LRRC8D: variants seen among roughly 807,000 people sequenced by gnomAD.
LRRC8D encodes the protein leucine rich repeat containing 8 VRAC subunit D, also known as volume-regulated anion channel subunit LRRC8D.
A neutral mutation model predicts 55.8 loss-of-function variants in LRRC8D; 20 were observed. The observed-to-expected ratio is 0.36, with a 90% CI of 0.25 to 0.52. The LOEUF (loss-of-function observed/expected upper bound fraction) is 0.52. Ranked by LOEUF, LRRC8D falls within the 20% of genes least tolerant of loss-of-function variation. The probability of loss-of-function intolerance (pLI) is 0.93; values close to 1 mark genes in which losing one functional copy is unlikely to be tolerated. For missense variants in LRRC8D, 651 were observed against 1,030.8 expected, an observed-to-expected ratio of 0.63 and a Z score of 5.05; for synonymous variants, 352 against 377.0, an observed-to-expected ratio of 0.93 and a Z score of 0.77.
In LRRC8D at chr1:89,921,542, G is replaced by GTT. The variant is rs533434944; in HGVS notation, c.-2-11522_-2-11521dup. On this transcript the variant is annotated intron_variant, in intron 2 of 2. Coordinates refer to ENST00000337338, the MANE Select transcript of LRRC8D (RefSeq NM_001134479.2). ...TTTTTTTGTTTGTTTGTTTTGTTTT[G>GTT]TTTTGTTTTGTTTTTTGAGAGAGAG... is the stretch of plus-strand genomic sequence containing the variant. Among the ~76,000 whole-genome samples, 9 of 151,856 alleles carry GTT rather than the reference G, an allele frequency of 5.9e-5. No individual in the cohort carries two copies. In the East Asian group the frequency reaches 1.7e-3, roughly 29 times the overall value.
At position 89,934,755 on chromosome 1, in the gene LRRC8D, C is replaced by G; in HGVS notation, c.1687C>G (p.Arg563Gly). Residue 563 changes from arginine to glycine, a missense_variant, in exon 3 of 3, where the codon CGA (arginine) becomes GGA (glycine). By Grantham distance (125) the Arg-to-Gly change is moderately radical. Coordinates refer to ENST00000337338, the MANE Select transcript of LRRC8D (RefSeq NM_001134479.2). The surrounding 1 kb of genome is among the most constrained non-coding windows in gnomAD (Gnocchi z 5.9). The part of the protein sequence containing the change: ...PAWVYLLKNL[R>G]ELYLIGNLNS... ...CTGGGTGTATTTGCTCAAAAACCTT[C>G]GAGAGTTGTACTTAATAGGCAATTT... is the stretch of plus-strand genomic sequence containing the variant. 6.2e-7 allele frequency: 1 copy of G among 1,614,066 alleles called. No homozygotes were observed. Among genetic ancestry groups the G allele is most frequent in the Non-Finnish European group, 8.5e-7 (1 of 1,180,040 alleles).
chr1:89,827,457 T>G (rs1035341427), intron 1 of LRRC8D, among the ~76,000 whole-genome samples: 1 of 151,966 alleles, frequency 6.6e-6, no homozygotes, highest in Non-Finnish European at 1.5e-5. Flanking sequence ...AGAAAGACAC[T>G]AGAGCTGGAA....
At chr1:89,896,197 C>G (rs568360503) in intron 2 of LRRC8D, among the ~76,000 whole-genome samples, 1 of 152,026 alleles carries the variant, frequency 6.6e-6, no homozygotes, top group East Asian at 1.9e-4. Context: ...AGAGGATCAG[C>G]CTTGAAGACT....
intron 2 of LRRC8D, among the ~76,000 whole-genome samples, chr1:89,914,159 A>G (rs911703378): frequency 6.6e-6 from 1 of 152,204 alleles, no homozygotes; most frequent in Non-Finnish European, 1.5e-5. Context: ...ATGGACTGCA[A>G]CTGTAAAATA....
intron 2 of LRRC8D, among the ~76,000 whole-genome samples, chr1:89,890,771 A>G (rs1662556852): frequency 6.6e-6 from 1 of 152,202 alleles, no homozygotes; most frequent in Admixed American, 6.5e-5. Flanking sequence ...ACCTTATGCA[A>G]GTTTTGCCAG....
chr1:89,915,288 CTCTA>C (rs1396643987), intron 2 of LRRC8D, among the ~76,000 whole-genome samples: 3 of 152,118 alleles, frequency 2.0e-5, no homozygotes, highest in African/African-American at 7.2e-5. Context: ...CATTTGCAGT[CTCTA>C]TCTAAAGATA....
intron 1 of LRRC8D, among the ~76,000 whole-genome samples, chr1:89,830,295 G>T (rs984319403): frequency 4.6e-5 from 7 of 152,178 alleles, no homozygotes; most frequent in East Asian, 3.9e-4. Context: ...TGGGAACTGG[G>T]CTGCAGTTTT....
chr1:89,914,022 A>G (rs1224336233), intron 2 of LRRC8D, among the ~76,000 whole-genome samples: 1 of 152,200 alleles, frequency 6.6e-6, no homozygotes, highest in Non-Finnish European at 1.5e-5. Context: ...GTTTATGCCA[A>G]TTTCATCTCT....
At chr1:89,859,467 C>T (rs1570829918) in intron 2 of LRRC8D, among the ~76,000 whole-genome samples, 1 of 152,084 alleles carries the variant, frequency 6.6e-6, no homozygotes, top group Admixed American at 6.6e-5. Context: ...CATTTATCTG[C>T]CTCTGTTCCT....
rs767778388 is a variant in LRRC8D at position 89,935,328 on chromosome 1, C to T, written c.2260C>T (p.Leu754=). ...AATAGAAATAGGATTGCTTCAGAAC[C>T]TGCAGCATTTGCATATCACTGGGAA... The part of the protein sequence containing the change: ...IPIEIGLLQN[L]QHLHITGNKV... The change falls in exon 3 of 3, where the codon CTG becomes TTG. Residue 754 remains leucine (L), a synonymous_variant. Transcript: ENST00000337338. The T allele has an allele frequency of 4.8e-5, 78 of 1,614,104 alleles. No individual in the cohort carries two copies. Among genetic ancestry groups the T allele is most frequent in the Non-Finnish European group, 6.5e-5 (77 of 1,180,032 alleles).
At chr1:89,915,340 C>T (rs1663239592) in intron 2 of LRRC8D, among the ~76,000 whole-genome samples, 1 of 152,204 alleles carries the variant, frequency 6.6e-6, no homozygotes, top group African/African-American at 2.4e-5. Context: ...CCTACAATTA[C>T]AGTTGTAACA....
intron 2 of LRRC8D, among the ~76,000 whole-genome samples, chr1:89,912,268 T>C (rs923491297): frequency 6.6e-6 from 1 of 152,226 alleles, no homozygotes. Context: ...AACGGAATGG[T>C]GACCTCATTG....
At chr1:89,841,125 T>C (rs1661120925) in intron 1 of LRRC8D, among the ~76,000 whole-genome samples, 1 of 151,912 alleles carries the variant, frequency 6.6e-6, no homozygotes, top group African/African-American at 2.4e-5. Flanking sequence ...AAGCAAAGGA[T>C]TGAGAGAAGG....
At chr1:89,843,599 ATC>A in intron 1 of LRRC8D, 37 bp from the exon 2 acceptor site, 1 of 687,196 alleles carries the variant, frequency 1.5e-6, no homozygotes, top group African/African-American at 1.8e-5. Context: ...CGACACTTGG[ATC>A]TCTCTAGCTC....
intron 1 of LRRC8D, among the ~76,000 whole-genome samples, chr1:89,825,938 C>G (rs7542325): frequency 0.17 from 26,116 of 152,162 alleles, 2,909 homozygotes; most frequent in East Asian, 0.59. Flanking sequence ...TGTGTCACCT[C>G]TTTGTGATGA....
chr1:89,882,826 A>G (rs1015192312), intron 2 of LRRC8D, among the ~76,000 whole-genome samples: 1 of 152,218 alleles, frequency 6.6e-6, no homozygotes, highest in Non-Finnish European at 1.5e-5. Context: ...TGGCCGTTCC[A>G]TATGAGAAAA....
At chr1:89,926,832 A>C (rs1285982243) in intron 2 of LRRC8D, among the ~76,000 whole-genome samples, 5 of 152,246 alleles carry the variant, frequency 3.3e-5, no homozygotes. Flanking sequence ...TAGGAAGAAC[A>C]TGTGCTTTGG....
At chr1:89,862,494 A>G (rs766916457) in intron 2 of LRRC8D, among the ~76,000 whole-genome samples, 1 of 152,222 alleles carries the variant, frequency 6.6e-6, no homozygotes, top group Non-Finnish European at 1.5e-5. Flanking sequence ...GTTAGGAATA[A>G]TTGAAGTAGG....
At chr1:89,888,468 CA>C (rs1662480608) in intron 2 of LRRC8D, among the ~76,000 whole-genome samples, 1 of 152,256 alleles carries the variant, frequency 6.6e-6, no homozygotes, top group Non-Finnish European at 1.5e-5. Context: ...ATACAAAATA[CA>C]AAGAAATATT....
Sources: gnomAD v4.1 joint callset for allele counts (sites outside exome capture counted in the v4.1 genomes callset) on GRCh38, gnomAD v4.1.1 for gene constraint, Gnocchi (gnomAD v3.1) non-coding constraint, MANE v1.5 for transcripts, NCBI Gene and HGNC (gene_info 2026-07-23, HGNC 2026-07-21) for gene names.